The following ATRN variants were observed in gnomAD, a reference collection of about 807,000 sequenced individuals.
ATRN encodes attractin-2.
A neutral mutation model predicts 178.7 loss-of-function variants in ATRN; 54 were observed. The ratio of observed to expected loss-of-function variants is 0.30; its 90% CI spans 0.24 to 0.38. ATRN has a LOEUF of 0.38. ATRN is among the 10% of genes least tolerant of loss of function. The pLI is 1.00. For synonymous variants in ATRN, 636 were observed against 663.0 expected (o/e 0.96, Z 0.63); for missense variants, 1,443 against 1,815.1 (o/e 0.79, Z 3.73).
rs774704343 is a variant in ATRN at position 3,604,056 on chromosome 20, CT to C, written c.3644-48del. On this transcript the variant is annotated intron_variant, in intron 23 of 28. Coordinates refer to ENST00000262919, the MANE Select transcript of ATRN (RefSeq NM_139321.3). ...AATGAGGCCAGATTCTGTTCTCCCCCTAGCCCCCCAAAAAATGTCTCTTCTC... is the reference window on the plus strand; with the variant it reads ...AATGAGGCCAGATTCTGTTCTCCCCCAGCCCCCCAAAAAATGTCTCTTCTC... 7.3e-6 allele frequency: 11 copies of C among 1,507,442 alleles called. No homozygotes were observed. The South Asian group carries it at 1.4e-4, about 19-fold the overall frequency. The allele number at this position is 1,507,442 out of a possible 1,614,324, so 93.4% of individuals were successfully genotyped here.
At chr20:3,627,414 A>G (rs2086950921) in intron 25 of ATRN, among the ~76,000 whole-genome samples, 1 of 152,238 alleles carries the variant, frequency 6.6e-6, no homozygotes, top group African/African-American at 2.4e-5. Context: ...ATAACTCAGA[A>G]CTGCTAATTA....
At chr20:3,566,632 G>A (rs888925630) in intron 11 of ATRN, among the ~76,000 whole-genome samples, 1 of 152,114 alleles carries the variant, frequency 6.6e-6, no homozygotes, top group Admixed American at 6.5e-5. Flanking sequence ...GGCCGGGCAC[G>A]GTGGCTCACG....
chr20:3,528,394 C>T (rs777207125), intron 1 of ATRN, among the ~76,000 whole-genome samples: 3 of 151,872 alleles, frequency 2.0e-5, no homozygotes, highest in Non-Finnish European at 4.4e-5. Context: ...TACATATACT[C>T]CGTGGAATAC....
intron 24 of ATRN, among the ~76,000 whole-genome samples, chr20:3,614,232 A>G (rs540551536): frequency 5.9e-5 from 9 of 152,254 alleles, no homozygotes; most frequent in African/African-American, 1.4e-4. Flanking sequence ...TCTGAAAGCT[A>G]TCCTAGTTGT....
At chr20:3,499,899 C>T (rs2084932676) in intron 1 of ATRN, among the ~76,000 whole-genome samples, 1 of 149,622 alleles carries the variant, frequency 6.7e-6, no homozygotes, top group Non-Finnish European at 1.5e-5. Context: ...GAACAGGCAA[C>T]CTACAAAATG....
At chr20:3,595,633 G>T (rs1382826323) in intron 20 of ATRN, among the ~76,000 whole-genome samples, 2 of 152,214 alleles carry the variant, frequency 1.3e-5, no homozygotes, top group African/African-American at 4.8e-5. Context: ...TCAGTTAGCT[G>T]ATGCAACAAA....
chr20:3,484,120 A>G (rs1165706426), intron 1 of ATRN, among the ~76,000 whole-genome samples: 1 of 152,112 alleles, frequency 6.6e-6, no homozygotes, highest in Non-Finnish European at 1.5e-5. Context: ...ATGATAGCAC[A>G]TAACTGTAGT....
At chr20:3,499,641 C>T (rs996518265) in intron 1 of ATRN, among the ~76,000 whole-genome samples, 49 of 147,392 alleles carry the variant, frequency 3.3e-4, no homozygotes, top group African/African-American at 1.1e-3. Flanking sequence ...ATGTAGAAAG[C>T]TGAAACTGGA....
chr20:3,542,472 AG>A (rs1409492250), intron 3 of ATRN, among the ~76,000 whole-genome samples: 1 of 126,964 alleles, frequency 7.9e-6, no homozygotes, highest in African/African-American at 3.5e-5. Flanking sequence ...TTCCTTTTAG[AG>A]TTTTTTTTTT....
chr20:3,605,889 G>C (rs1014543935), intron 24 of ATRN, among the ~76,000 whole-genome samples: 1 of 152,112 alleles, frequency 6.6e-6, no homozygotes, highest in Non-Finnish European at 1.5e-5. Context: ...TCCTGCACAT[G>C]TACCCCTGAA....
intron 1 of ATRN, 24 bp downstream of exon 1, chr20:3,471,541 G>A: frequency 7.2e-7 from 1 of 1,379,734 alleles, no homozygotes. Context: ...GGTGTCGGAG[G>A]GTCGGGTCCA....
intron 1 of ATRN, among the ~76,000 whole-genome samples, chr20:3,517,906 A>G (rs2085228390): frequency 6.6e-6 from 1 of 152,144 alleles, no homozygotes; most frequent in Non-Finnish European, 1.5e-5. Context: ...GATACAGCAC[A>G]TATTTCCAGC....
intron 1 of ATRN, among the ~76,000 whole-genome samples, chr20:3,486,868 T>A (rs2084701872): frequency 6.6e-6 from 1 of 152,236 alleles, no homozygotes; most frequent in Admixed American, 6.5e-5. Flanking sequence ...TGTTATCATT[T>A]CTGGGAAATT....
At chr20:3,509,201 A>C (rs1429534349) in intron 1 of ATRN, among the ~76,000 whole-genome samples, 1 of 152,224 alleles carries the variant, frequency 6.6e-6, no homozygotes, top group African/African-American at 2.4e-5. Context: ...GATTTGTCTA[A>C]GTGGGTTTAG....
intron 25 of ATRN, among the ~76,000 whole-genome samples, chr20:3,633,474 AAG>A (rs1027017285): frequency 6.6e-6 from 1 of 152,226 alleles, no homozygotes; most frequent in African/African-American, 2.4e-5. Context: ...CTCAGCCAGC[AAG>A]AGAGTACCTT....
intron 25 of ATRN, 125 bp downstream of exon 25, chr20:3,624,697 C>T (rs917948498): frequency 2.2e-5 from 17 of 784,118 alleles, no homozygotes; most frequent in Middle Eastern, 5.8e-4. Context: ...AAATTTACTT[C>T]ATATGTGTTC....
At chr20:3,528,058 T>TA (rs1210396351) in intron 1 of ATRN, among the ~76,000 whole-genome samples, 1 of 151,820 alleles carries the variant, frequency 6.6e-6, no homozygotes, top group African/African-American at 2.4e-5. Context: ...TCCCAGAACT[T>TA]AAAGTATAAA....
At chr20:3,516,296 C>T (rs2085205524) in intron 1 of ATRN, among the ~76,000 whole-genome samples, 1 of 152,100 alleles carries the variant, frequency 6.6e-6, no homozygotes, top group African/African-American at 2.4e-5. Context: ...TATTTTGTCT[C>T]TAGCCTTATC....
chr20:3,535,788 G>A (rs768775895), intron 2 of ATRN, among the ~76,000 whole-genome samples: 34 of 151,894 alleles, frequency 2.2e-4, no homozygotes, highest in Non-Finnish European at 2.2e-4. Context: ...ATGCCACCAC[G>A]CCAGGCTAAT....
Sources: allele counts gnomAD v4.1 joint callset (sites outside exome capture counted in the v4.1 genomes callset), GRCh38; gene constraint gnomAD v4.1.1; transcripts MANE v1.5; gene names NCBI Gene and HGNC (gene_info 2026-07-23, HGNC 2026-07-21).